MGAT4C: variants seen among roughly 807,000 people sequenced by gnomAD.
The protein encoded by MGAT4C is MGAT4 family member C, also known as alpha-1,3-mannosyl-glycoprotein 4-beta-N-acetylglucosaminyltransferase C.
A neutral mutation model predicts 40.1 loss-of-function variants in MGAT4C; 19 were observed. That is an observed-to-expected ratio of 0.47 (90% CI 0.33 to 0.70). The LOEUF (loss-of-function observed/expected upper bound fraction) is 0.70, where lower values mean the gene tolerates loss of function less well. Ranked by LOEUF, MGAT4C falls within the 30% of genes least tolerant of loss-of-function variation. The probability of loss-of-function intolerance (pLI) is 0.02; values close to 1 mark genes in which losing one functional copy is unlikely to be tolerated. For synonymous variants in MGAT4C, 181 were observed against 187.1 expected (o/e 0.97, Z 0.27); for missense variants, 491 against 563.2 (o/e 0.87, Z 1.30).
intron 2 of MGAT4C, among the ~76,000 whole-genome samples, chr12:86,686,761 A>G (rs966523381): frequency 1.1e-4 from 17 of 152,182 alleles, no homozygotes; most frequent in Admixed American, 3.3e-4. Flanking sequence ...GAATTTTCAC[A>G]TTGATCTTCA....
At chr12:86,013,852 T>G in intron 2 of MGAT4C, 2 of 701,622 alleles carry the variant, frequency 2.9e-6, no homozygotes, top group Non-Finnish European at 3.5e-6. Flanking sequence ...ATTCAAGCTT[T>G]TCTTCTTTTT....
chr12:86,543,048 C>A (rs1959176063), intron 2 of MGAT4C, among the ~76,000 whole-genome samples: 1 of 151,896 alleles, frequency 6.6e-6, no homozygotes, highest in African/African-American at 2.4e-5. Context: ...TTTTGCTAAT[C>A]CCTACTTCTG....
intron 4 of MGAT4C, among the ~76,000 whole-genome samples, chr12:86,296,911 A>AGAGC (rs1162221609): frequency 6.6e-6 from 1 of 152,262 alleles, no homozygotes; most frequent in Non-Finnish European, 1.5e-5. Flanking sequence ...GGAAGCGCCC[A>AGAGC]GAGCGAGCGA....
intron 2 of MGAT4C, among the ~76,000 whole-genome samples, chr12:86,613,298 T>G (rs1242555335): frequency 6.6e-6 from 1 of 152,174 alleles, no homozygotes; most frequent in Non-Finnish European, 1.5e-5. Flanking sequence ...TCTATATAGG[T>G]TCTCTCAACA....
At chr12:86,332,613 C>A (rs2405930) in intron 4 of MGAT4C, among the ~76,000 whole-genome samples, 95,373 of 151,716 alleles carry the variant, frequency 0.63, 31,279 homozygotes, top group South Asian at 0.77. Flanking sequence ...AAAGCCATAT[C>A]GTAATTGGGA....
At chr12:86,735,082 A>T (rs1460738415) in intron 1 of MGAT4C, among the ~76,000 whole-genome samples, 1 of 152,054 alleles carries the variant, frequency 6.6e-6, no homozygotes, top group African/African-American at 2.4e-5. Flanking sequence ...ACTGTAGAGA[A>T]TCCAATCTAC....
intron 1 of MGAT4C, among the ~76,000 whole-genome samples, chr12:86,061,296 G>GT (rs1281672017): frequency 6.6e-6 from 1 of 152,096 alleles, no homozygotes; most frequent in African/African-American, 2.4e-5. Flanking sequence ...AGCCGTGAGG[G>GT]ACTGTGCCTT....
intron 1 of MGAT4C, among the ~76,000 whole-genome samples, chr12:86,790,626 T>A (rs1952006366): frequency 6.6e-6 from 1 of 152,102 alleles, no homozygotes; most frequent in South Asian, 2.1e-4. Flanking sequence ...TGAAGGTATA[T>A]CTCTGAAACC....
chr12:86,348,522 T>C (rs939689706), intron 3 of MGAT4C, among the ~76,000 whole-genome samples: 4 of 152,132 alleles, frequency 2.6e-5, no homozygotes, highest in Non-Finnish European at 4.4e-5. Flanking sequence ...CAAAAGGATG[T>C]ATTTCAAAAT....
intron 4 of MGAT4C, among the ~76,000 whole-genome samples, chr12:86,315,663 G>T (rs1159910359): frequency 6.6e-6 from 1 of 152,060 alleles, no homozygotes; most frequent in East Asian, 1.9e-4. Flanking sequence ...CCGAGATCGC[G>T]CCCCTGCACT....
chr12:86,383,823 G>T (rs140037888), intron 3 of MGAT4C, among the ~76,000 whole-genome samples: 1 of 152,220 alleles, frequency 6.6e-6, no homozygotes, highest in East Asian at 1.9e-4. Context: ...AAGACTTTTG[G>T]GGGATTGTTG....
chr12:86,195,129 G>T (rs1218322579), intron 1 of MGAT4C, among the ~76,000 whole-genome samples: 1 of 152,040 alleles, frequency 6.6e-6, no homozygotes, highest in African/African-American at 2.4e-5. Context: ...CCAAGATACT[G>T]CCCAAAGCTC....
At chr12:86,445,277 A>G (rs1957313340) in intron 2 of MGAT4C, among the ~76,000 whole-genome samples, 1 of 152,216 alleles carries the variant, frequency 6.6e-6, no homozygotes, top group Non-Finnish European at 1.5e-5. Flanking sequence ...TGTAAAGGCA[A>G]AAATATTTGT....
intron 2 of MGAT4C, among the ~76,000 whole-genome samples, chr12:86,700,178 CAGATAGATAGATAGATAGAT>C (rs370834701): frequency 1.3e-4 from 18 of 140,770 alleles, no homozygotes; most frequent in East Asian, 8.6e-4. Context: ...GACAGACAGA[CAGATAGATAGATAGATAGAT>C]AGATAGATAG....
In MGAT4C at chr12:86,580,078, T is replaced by C. The variant is rs558261455; in HGVS notation, c.-228-144813A>G. Reference sequence around the variant, plus strand: ...ATCTTCTTGTACTTGGATATTGATATCTTTCTCTAGGTTTGGGATTAAAAC... The same window carrying C: ...ATCTTCTTGTACTTGGATATTGATACCTTTCTCTAGGTTTGGGATTAAAAC... On this transcript the variant is annotated intron_variant, in intron 2 of 7. Transcript: ENST00000548651. Among the ~76,000 whole-genome samples, 6 of 151,656 alleles carry C rather than the reference T, an allele frequency of 4.0e-5. No homozygotes were observed. In the East Asian group the frequency reaches 1.2e-3, roughly 30 times the overall value.
intron 2 of MGAT4C, among the ~76,000 whole-genome samples, chr12:86,484,313 A>G (rs1302547052): frequency 6.6e-6 from 1 of 152,206 alleles, no homozygotes; most frequent in African/African-American, 2.4e-5. Flanking sequence ...GCTGGCCACC[A>G]GGCCAAGAGA....
chr12:86,768,240 T>C (rs1276091142), intron 1 of MGAT4C, among the ~76,000 whole-genome samples: 3 of 152,042 alleles, frequency 2.0e-5, no homozygotes, highest in East Asian at 1.9e-4. Flanking sequence ...AACAGAGAGC[T>C]AAATCATGAG....
In MGAT4C at chr12:86,294,690, A is replaced by G. The variant is rs184531941; in HGVS notation, c.-57+39375T>C. Among the ~76,000 whole-genome samples the G allele has an allele frequency of 1.0e-3, 158 of 152,236 alleles. 1 individual carries two copies. The highest frequency in any genetic ancestry group is 6.8e-3 in the Middle Eastern group (2 of 294). ...GTCAGCATTTGTTGGGGGGGAAAAAAGTTAAATACTTTTAGTTTCCCAGTT... is the reference window on the plus strand; with the variant it reads ...GTCAGCATTTGTTGGGGGGGAAAAAGGTTAAATACTTTTAGTTTCCCAGTT... On this transcript the variant is annotated intron_variant, in intron 4 of 7. Coordinates refer to the MGAT4C transcript ENST00000548651.
At chr12:86,262,451 A>C (rs1269355884) in intron 4 of MGAT4C, among the ~76,000 whole-genome samples, 9 of 152,078 alleles carry the variant, frequency 5.9e-5, no homozygotes, top group Non-Finnish European at 1.3e-4. Context: ...CCCTTTTCAA[A>C]GAAGTCATTC....
Sources: gnomAD v4.1 joint callset for allele counts (sites outside exome capture counted in the v4.1 genomes callset) on GRCh38, gnomAD v4.1.1 for gene constraint, MANE v1.5 for transcripts, NCBI Gene and HGNC (gene_info 2026-07-23, HGNC 2026-07-21) for gene names.